Variants in RBFOX1 observed in about 807,000 individuals in gnomAD.
The protein encoded by RBFOX1 is RNA binding fox-1 homolog 1.
Under a neutral mutation model 57.7 loss-of-function variants are expected in RBFOX1, and 8 were observed. The observed-to-expected ratio is 0.14, with a 90% CI of 0.08 to 0.25. RBFOX1 has a LOEUF of 0.25. RBFOX1 is among the 10% of genes least tolerant of loss of function. The probability of loss-of-function intolerance (pLI) is 1.00; values close to 1 mark genes in which losing one functional copy is unlikely to be tolerated. For synonymous variants in RBFOX1, 326 were observed against 222.4 expected (o/e 1.47, Z -4.15); for missense variants, 611 against 548.5 (o/e 1.11, Z -1.14).
In RBFOX1 at chr16:6,589,095, C is replaced by G. The variant is rs557415373; in HGVS notation, c.-63-65508C>G. On this transcript the variant is annotated intron_variant, in intron 2 of 15. Coordinates refer to ENST00000550418, the MANE Select transcript of RBFOX1 (RefSeq NM_018723.4). ...TGCTTTTCTAATTTTATCATTCCAT[C>G]TATATTACAAAAAAACCCCTAAATA... 6.1e-3 allele frequency among the ~76,000 whole-genome samples: 438 copies of G among 71,492 alleles called. 3 individuals carry two copies. Among genetic ancestry groups the G allele is most frequent in the African/African-American group, 0.013 (422 of 32,422 alleles). 46.9% of individuals were successfully genotyped at this position (71,492 alleles called of 152,430 possible).
chr16:6,612,478 C>G (rs116315775), intron 2 of RBFOX1, among the ~76,000 whole-genome samples: 1,650 of 152,264 alleles, frequency 0.011, 30 homozygotes, highest in African/African-American at 0.037. Context: ...ACTTACAGCA[C>G]AAACTACTTT....
At chr16:6,780,017 T>TA (rs1555460287) in intron 3 of RBFOX1, among the ~76,000 whole-genome samples, 11 of 22,216 alleles carry the variant, frequency 5.0e-4, no homozygotes, top group East Asian at 3.8e-3. Flanking sequence ...TTATATATAT[T>TA]TATATATTTA....
chr16:6,723,444 AC>A (rs1314017680), intron 3 of RBFOX1, among the ~76,000 whole-genome samples: 1 of 152,220 alleles, frequency 6.6e-6, no homozygotes, highest in Non-Finnish European at 1.5e-5. Flanking sequence ...TGGTGAACAC[AC>A]AAAAGGGCAT....
At chr16:7,573,269 G>T (rs915105372) in intron 5 of RBFOX1, among the ~76,000 whole-genome samples, 2 of 152,078 alleles carry the variant, frequency 1.3e-5, no homozygotes, top group African/African-American at 4.8e-5. Context: ...GCCAACAAGC[G>T]ACAATGGGAG....
intron 1 of RBFOX1, among the ~76,000 whole-genome samples, chr16:6,180,954 G>C (rs535630403): frequency 6.6e-6 from 1 of 152,234 alleles, no homozygotes; most frequent in East Asian, 1.9e-4. Flanking sequence ...ATTGTGTTCA[G>C]ACACCTTGAG....
chr16:6,726,091 G>A lies in RBFOX1; in HGVS notation c.-16+71441G>A, dbSNP rs557571670. On this transcript the variant is annotated intron_variant, in intron 3 of 15. Coordinates refer to ENST00000550418, the MANE Select transcript of RBFOX1 (RefSeq NM_018723.4). ...CTCCTACGTGATTATGTTATTCAGT[G>A]TTAAATATGAGAGAACTTTGTTACA... is the stretch of plus-strand genomic sequence containing the variant. 9.8e-5 allele frequency among the ~76,000 whole-genome samples: 15 copies of A among 152,298 alleles called. No homozygotes were observed. In the East Asian group the frequency reaches 1.4e-3, roughly 14 times the overall value.
chr16:6,883,138 C>T (rs1017395028), intron 3 of RBFOX1, among the ~76,000 whole-genome samples: 1 of 152,072 alleles, frequency 6.6e-6, no homozygotes, highest in African/African-American at 2.4e-5. Context: ...ATCATTAAGG[C>T]AGAGGTGGGG....
At chr16:6,588,498 C>T (rs1043928190) in intron 2 of RBFOX1, among the ~76,000 whole-genome samples, 3 of 151,826 alleles carry the variant, frequency 2.0e-5, no homozygotes, top group South Asian at 2.1e-4. Context: ...ACCAAACATA[C>T]AAAAATTAGC....
At chr16:6,295,942 A>G (rs572381138) in intron 1 of RBFOX1, among the ~76,000 whole-genome samples, 33 of 152,324 alleles carry the variant, frequency 2.2e-4, no homozygotes, top group African/African-American at 7.7e-4. Flanking sequence ...TAACACAGCT[A>G]TTTTATTCAC....
intron 1 of RBFOX1, among the ~76,000 whole-genome samples, chr16:6,214,313 G>A (rs1469018505): frequency 2.6e-5 from 4 of 152,004 alleles, no homozygotes; most frequent in Admixed American, 2.0e-4. Flanking sequence ...GAGGGAGAGG[G>A]AGAAGGAGAG....
At chr16:7,034,841 C>CTTTCTTTTTTTTTTTTTTTTTTTTT (rs2043856073) in intron 3 of RBFOX1, among the ~76,000 whole-genome samples, 3 of 39,166 alleles carry the variant, frequency 7.7e-5, no homozygotes, top group Non-Finnish European at 1.3e-4. Flanking sequence ...TTTTTTTTTT[C>CTTTCTTTTTTTTTTTTTTTTTTTTT]TTTTTTCTTT....
chr16:7,075,703 C>G (rs1170025478), intron 4 of RBFOX1, among the ~76,000 whole-genome samples: 1 of 152,134 alleles, frequency 6.6e-6, no homozygotes, highest in African/African-American at 2.4e-5. Flanking sequence ...GCCTCAGTCT[C>G]CCGAGTAGCT....
intron 4 of RBFOX1, among the ~76,000 whole-genome samples, chr16:7,266,601 G>A (rs532732518): frequency 6.6e-6 from 1 of 152,100 alleles, no homozygotes; most frequent in South Asian, 2.1e-4. Flanking sequence ...ATACCATCGC[G>A]TTGGAGGTTA....
At chr16:7,571,585 G>A (rs571420518) in intron 5 of RBFOX1, among the ~76,000 whole-genome samples, 4 of 152,216 alleles carry the variant, frequency 2.6e-5, no homozygotes, top group South Asian at 2.1e-4. Flanking sequence ...AACCTGCGCC[G>A]ATACCTGGGG....
intron 4 of RBFOX1, among the ~76,000 whole-genome samples, chr16:6,005,376 C>T (rs2060675318): frequency 6.6e-6 from 1 of 152,238 alleles, no homozygotes; most frequent in Admixed American, 6.5e-5. Flanking sequence ...TGAGCATCTG[C>T]TATGGGCCAG....
chr16:7,438,267 C>T (rs2098738425), intron 4 of RBFOX1, among the ~76,000 whole-genome samples: 1 of 152,050 alleles, frequency 6.6e-6, no homozygotes, highest in African/African-American at 2.4e-5. Flanking sequence ...CGAGAAACAC[C>T]TTATGTTTGC....
rs539730513 is a variant in RBFOX1, at chr16:7,137,825, G to A, written c.27+85727G>A. Among the ~76,000 whole-genome samples the A allele has an allele frequency of 3.9e-4, 60 of 152,318 alleles. No homozygotes were observed. In the South Asian group the frequency reaches 0.012, roughly 31 times the overall value. ...GGAAGGTTGTAGTTCATCTGCAAATGTATGTGCACAGGCTCACTACATGTT... is the reference window on the plus strand; with the variant it reads ...GGAAGGTTGTAGTTCATCTGCAAATATATGTGCACAGGCTCACTACATGTT... On this transcript the variant is annotated intron_variant, in intron 4 of 15. Coordinates refer to ENST00000550418, the MANE Select transcript of RBFOX1 (RefSeq NM_018723.4).
intron 3 of RBFOX1, among the ~76,000 whole-genome samples, chr16:7,019,540 G>A (rs936090000): frequency 7.2e-5 from 11 of 152,160 alleles, no homozygotes; most frequent in African/African-American, 2.7e-4. Flanking sequence ...CCTCTTGTTT[G>A]TGCTGTGGAT....
At chr16:7,710,414 G>C (rs982618782) in intron 15 of RBFOX1, 20 of 1,392,916 alleles carry the variant, frequency 1.4e-5, no homozygotes, top group Non-Finnish European at 1.8e-5. Flanking sequence ...ACAGAATTTG[G>C]TTTTGCAGGG....
Sources: allele counts gnomAD v4.1 joint callset (sites outside exome capture counted in the v4.1 genomes callset), GRCh38; gene constraint gnomAD v4.1.1; transcripts MANE v1.5; gene names NCBI Gene and HGNC (gene_info 2026-07-23, HGNC 2026-07-21).